SMARCD3: variants seen among roughly 807,000 people sequenced by gnomAD.
SMARCD3 encodes the protein SWI/SNF-related matrix-associated actin-dependent regulator of chromatin subfamily D member 3.
SMARCD3 carries 14 observed loss-of-function variants against 58.0 expected under a neutral mutation model. The ratio of observed to expected loss-of-function variants is 0.24; its 90% CI spans 0.16 to 0.38. The LOEUF (loss-of-function observed/expected upper bound fraction) is 0.38, where lower values mean the gene tolerates loss of function less well. SMARCD3 is among the 10% of genes least tolerant of loss of function. The probability of loss-of-function intolerance (pLI) is 1.00; values close to 1 mark genes in which losing one functional copy is unlikely to be tolerated. For synonymous variants in SMARCD3, 253 were observed against 253.8 expected, an observed-to-expected ratio of 1.00 and a Z score of 0.03; for missense variants, 408 against 636.9, an observed-to-expected ratio of 0.64 and a Z score of 3.87.
Position 151,245,725 on chromosome 7 carries a change from C to T in SMARCD3, c.79-54G>A, listed in dbSNP as rs1000400016. 1.6e-5 allele frequency: 7 copies of T among 436,854 alleles called. No individual in the cohort carries two copies. Among genetic ancestry groups the T allele is most frequent in the Middle Eastern group, 6.1e-4 (1 of 1,634 alleles). The allele number at this position is 436,854 out of a possible 1,614,324, so 27.1% of individuals were successfully genotyped here. A position where few individuals can be genotyped will look rare whatever the true frequency, so the allele number is the denominator to read the frequency against. On this transcript the variant is annotated intron_variant, in intron 1 of 12. Coordinates refer to ENST00000262188, the MANE Select transcript of SMARCD3 (RefSeq NM_001003801.2). The surrounding 1 kb of genome is among the most constrained non-coding windows in gnomAD (Gnocchi z 6.2). ...CGGGCGCCCGTGGGTCAGACCAGGG[C>T]CCCCCGCTCCAGGCGCGGTGAGCCG...
intron 2 of SMARCD3, among the ~76,000 whole-genome samples, chr7:151,258,434 ATG>A (rs1803777112): frequency 6.6e-6 from 1 of 151,784 alleles, no homozygotes; most frequent in Non-Finnish European, 1.5e-5. Flanking sequence ...GTGTGGTGGC[ATG>A]CAACTGTAAT....
intron 2 of SMARCD3, among the ~76,000 whole-genome samples, chr7:151,261,942 G>C (rs1803930821): frequency 6.6e-6 from 1 of 152,206 alleles, no homozygotes; most frequent in Non-Finnish European, 1.5e-5. Context: ...CTTGGGCAGA[G>C]AGCAGCCACA....
chr7:151,272,218 G>A (rs1381165456), intron 2 of SMARCD3, among the ~76,000 whole-genome samples: 2 of 152,130 alleles, frequency 1.3e-5, no homozygotes, highest in Non-Finnish European at 2.9e-5. Context: ...ATTTGAGCAA[G>A]TTGTTTGATT....
chr7:151,255,040 C>G (rs1273758517), intron 2 of SMARCD3, among the ~76,000 whole-genome samples: 1 of 152,178 alleles, frequency 6.6e-6, no homozygotes, highest in African/African-American at 2.4e-5. Context: ...AGGTCTGACA[C>G]TGCACCTTCC....
At chr7:151,240,706 T>G in intron 8 of SMARCD3, 184 bp from the exon 9 acceptor site, 1 of 571,104 alleles carries the variant, frequency 1.8e-6, no homozygotes, top group Non-Finnish European at 3.1e-6. Flanking sequence ...GCTGACAAGA[T>G]AGGGGGTGGG....
intron 2 of SMARCD3, among the ~76,000 whole-genome samples, chr7:151,257,186 C>T (rs984226929): frequency 1.3e-5 from 2 of 152,206 alleles, no homozygotes; most frequent in East Asian, 1.9e-4. Context: ...CCCCTGCACC[C>T]GGCCTCCTGA....
Position 151,241,522 on chromosome 7 carries a change from T to A in SMARCD3, c.909A>T (p.Glu303Asp). 6.2e-7 allele frequency: 1 copy of A among 1,612,494 alleles called. No homozygotes were observed. The highest frequency in any genetic ancestry group is 8.5e-7 in the Non-Finnish European group (1 of 1,179,370). ...TNRLQDSHDK[E>D]YINGDKYFQQ... ...GGAAATACTTGTCCCCATTGATGTA[T>A]TCCTTGTCATGGGAGTCCTGCAGCC... The change falls in exon 8 of 13, where the codon GAA (glutamate) becomes GAT (aspartate). Residue 303 changes from glutamate to aspartate, a missense_variant. Physicochemically the swap from Glu to Asp is conservative, Grantham distance 45. Around this residue, in one of 4 missense-constraint regions of SMARCD3, gnomAD observed 115 missense variants for 257.2 expected, o/e 0.45. Coordinates refer to ENST00000262188, the MANE Select transcript of SMARCD3 (RefSeq NM_001003801.2). The surrounding 1 kb of genome is among the most constrained non-coding windows in gnomAD (Gnocchi z 5.3).
Position 151,243,729 on chromosome 7 carries a change from GT to G in SMARCD3, c.291-29del. The G allele has an allele frequency of 1.9e-6, 3 of 1,567,612 alleles. No homozygotes were observed. The highest frequency in any genetic ancestry group is 1.4e-5 in the African/African-American group (1 of 74,072). On this transcript the variant is annotated intron_variant, in intron 2 of 12. Transcript: ENST00000262188. This position sits in a 1 kb window ranked among gnomAD's most constrained non-coding sequence, Gnocchi z 4.4. ...GTACATTTTTTAAAGAAAAAACCAG[GT>G]TACCATGGCGACAGATCTGGGCGTA...
At chr7:151,258,952 A>T (rs1346035900) in intron 2 of SMARCD3, among the ~76,000 whole-genome samples, 1 of 151,086 alleles carries the variant, frequency 6.6e-6, no homozygotes, top group Non-Finnish European at 1.5e-5. Flanking sequence ...CCACACGCCC[A>T]TTTCTTTTAT....
chr7:151,244,152 T>C (rs758249), intron 2 of SMARCD3, among the ~76,000 whole-genome samples: 60,739 of 152,030 alleles, frequency 0.4, 12,614 homozygotes, highest in East Asian at 0.72. Flanking sequence ...AACTCCTTCC[T>C]ATCCATGGAG....
chr7:151,247,752 C>G (rs999468521), intron 1 of SMARCD3, among the ~76,000 whole-genome samples: 2 of 152,058 alleles, frequency 1.3e-5, no homozygotes, highest in African/African-American at 4.8e-5. Flanking sequence ...CGGGCTCCCA[C>G]GTGCCTTCAC....
upstream of SMARCD3, chr7:151,249,195 G>A (rs1584878029): frequency 6.6e-6 from 1 of 152,072 alleles, no homozygotes; most frequent in Admixed American, 6.5e-5. This position sits in a 1 kb window ranked among gnomAD's most constrained non-coding sequence, Gnocchi z 4.8. Context: ...GGAACCGGGG[G>A]AGCCCGGCCC....
Position 151,241,640 on chromosome 7 carries a change from T to C in SMARCD3, c.791A>G (p.Lys264Arg). Residue 264 changes from lysine (K) to arginine (R), a missense_variant, in exon 8 of 13, where the codon AAA becomes AGA. This residue lies in a region of SMARCD3 where 115 missense variants were observed against 257.2 expected (regional missense o/e 0.45). Transcript: ENST00000262188. This position sits in a 1 kb window ranked among gnomAD's most constrained non-coding sequence, Gnocchi z 5.3. ...CAGCCGGGCTAGGCGGGGATCCAGT[T>C]TGAACTGGGGAGGCTGGGAAAAGGG... ...LMLDYQPPQF[K>R]LDPRLARLLG... The C allele has an allele frequency of 1.2e-6, 2 of 1,611,100 alleles. No individual in the cohort carries two copies. The highest frequency in any genetic ancestry group is 1.7e-6 in the Non-Finnish European group (2 of 1,178,602).
chr7:151,268,939 A>C (rs1795076148), intron 2 of SMARCD3, among the ~76,000 whole-genome samples: 1 of 152,006 alleles, frequency 6.6e-6, no homozygotes, highest in African/African-American at 2.4e-5. Context: ...GCCCACAATG[A>C]TCCCTCAGTC....
Position 151,245,731 on chromosome 7 carries a change from G to A in SMARCD3, c.79-60C>T. On this transcript the variant is annotated intron_variant, in intron 1 of 12. Transcript: ENST00000262188. This position sits in a 1 kb window ranked among gnomAD's most constrained non-coding sequence, Gnocchi z 6.2. Reference sequence around the variant, plus strand: ...CCCGTGGGTCAGACCAGGGCCCCCCGCTCCAGGCGCGGTGAGCCGGCGTCT... The same window carrying A: ...CCCGTGGGTCAGACCAGGGCCCCCCACTCCAGGCGCGGTGAGCCGGCGTCT... 1 of 424,460 alleles carries A rather than the reference G, an allele frequency of 2.4e-6. No homozygotes were observed. Among genetic ancestry groups the A allele is most frequent in the Non-Finnish European group, 4.0e-6 (1 of 252,526 alleles). The allele number at this position is 424,460 out of a possible 1,614,324, so 26.3% of individuals were successfully genotyped here.
intron 1 of SMARCD3, among the ~76,000 whole-genome samples, chr7:151,276,544 GCGAT>G (rs1795350168): frequency 8.9e-5 from 13 of 145,922 alleles, no homozygotes; most frequent in South Asian, 6.7e-4. Context: ...ATGCCAGGCA[GCGAT>G]GGGGAGGAGG....
Position 151,245,676 on chromosome 7 carries a change from G to C in SMARCD3, c.79-5C>G. On this transcript the variant is annotated splice_polypyrimidine_tract_variant and splice_region_variant and intron_variant, in intron 1 of 12. Transcript: ENST00000262188. The surrounding 1 kb of genome is among the most constrained non-coding windows in gnomAD (Gnocchi z 6.2). Reference sequence around the variant, plus strand: ...TCCAGACGGCATCCCGGGGCGCTGGGGGTGGGCGGGGGTGAAGCAGAAACG... The same window carrying C: ...TCCAGACGGCATCCCGGGGCGCTGGCGGTGGGCGGGGGTGAAGCAGAAACG... 2.1e-6 allele frequency: 2 copies of C among 938,864 alleles called. No individual in the cohort carries two copies. Among genetic ancestry groups the C allele is most frequent in the East Asian group, 3.3e-5 (1 of 30,294 alleles). The allele number at this position is 938,864 out of a possible 1,614,324, so 58.2% of individuals were successfully genotyped here. A position where few individuals can be genotyped will look rare whatever the true frequency, so the allele number is the denominator to read the frequency against.
In SMARCD3 at chr7:151,245,563, CG is replaced by C; in HGVS notation, c.186del (p.Ala63ArgfsTer85). The C allele has an allele frequency of 6.8e-6, 8 of 1,180,798 alleles. No individual in the cohort carries two copies. The highest frequency in any genetic ancestry group is 7.4e-6 in the Non-Finnish European group (7 of 943,108). 73.1% of individuals were successfully genotyped at this position (1,180,798 alleles called of 1,614,324 possible). ...CGCTTGCGGGCGGGCTCCATGCCCG[CG>C]GGGGCCAGGCCGGGTCGCACGGCGG... The part of the protein sequence containing the change: ...GSPAVRPGLA[P>X]AGMEPARKRA... On this transcript the variant is annotated frameshift_variant, in exon 2 of 13. Transcript: ENST00000262188. LOFTEE classifies it high-confidence loss of function. This position sits in a 1 kb window ranked among gnomAD's most constrained non-coding sequence, Gnocchi z 6.2.
At chr7:151,274,256 C>T (rs1031238675) in intron 2 of SMARCD3, among the ~76,000 whole-genome samples, 3 of 152,120 alleles carry the variant, frequency 2.0e-5, no homozygotes, top group African/African-American at 4.8e-5. Context: ...GGCCAGCCAG[C>T]GTGATGATGG....
Sources: allele counts gnomAD v4.1 joint callset (sites outside exome capture counted in the v4.1 genomes callset), GRCh38; gene constraint gnomAD v4.1.1; regional missense constraint gnomAD v4.1.1; non-coding constraint Gnocchi (gnomAD v3.1); transcripts MANE v1.5; gene names NCBI Gene and HGNC (gene_info 2026-07-23, HGNC 2026-07-21).